TPTE: variants seen among roughly 807,000 people sequenced by gnomAD.
TPTE encodes the protein transmembrane phosphatase with tensin homology, also known as putative tyrosine-protein phosphatase TPTE.
TPTE carries 59 observed loss-of-function variants against 84.1 expected under a neutral mutation model. That is an observed-to-expected ratio of 0.70 (90% CI 0.57 to 0.87). The LOEUF (loss-of-function observed/expected upper bound fraction) is 0.87. Ranked by LOEUF, TPTE falls within the 40% of genes least tolerant of loss-of-function variation. TPTE has a pLI of 0.00. For missense variants in TPTE, 382 were observed against 659.6 expected, an observed-to-expected ratio of 0.58 and a Z score of 4.61; for synonymous variants, 130 against 223.5, an observed-to-expected ratio of 0.58 and a Z score of 3.73.
chr21:10,562,849 A>T (rs1407522550), intron 10 of TPTE, among the ~76,000 whole-genome samples: 1 of 152,312 alleles, frequency 6.6e-6, no homozygotes, highest in African/African-American at 2.4e-5. Context: ...ATTCAAAGGG[A>T]TGGTAACAGA....
At chr21:10,532,920 G>A (rs2074204090) in intron 3 of TPTE, among the ~76,000 whole-genome samples, 1 of 152,306 alleles carries the variant, frequency 6.6e-6, no homozygotes, top group Non-Finnish European at 1.5e-5. Flanking sequence ...GCCCTCATAG[G>A]TCTTTTGCTG....
chr21:10,558,876 T>C (rs1344684932), intron 8 of TPTE, among the ~76,000 whole-genome samples: 1 of 152,296 alleles, frequency 6.6e-6, no homozygotes, highest in East Asian at 1.9e-4. Flanking sequence ...TATTGGAGGC[T>C]CCATCAAACA....
At chr21:10,526,175 C>A (rs565071533) in intron 2 of TPTE, among the ~76,000 whole-genome samples, 1 of 152,306 alleles carries the variant, frequency 6.6e-6, no homozygotes, top group Admixed American at 6.5e-5. Flanking sequence ...TTTCCTGAGA[C>A]CTGGATGAAT....
chr21:10,523,834 A>G (rs1350097042), intron 1 of TPTE, among the ~76,000 whole-genome samples: 4 of 152,308 alleles, frequency 2.6e-5, no homozygotes, highest in African/African-American at 9.6e-5. Context: ...GGCTGGGTCA[A>G]ATGGTATTTC....
At chr21:10,530,083 G>A (rs958695040) in intron 3 of TPTE, among the ~76,000 whole-genome samples, 22 of 152,404 alleles carry the variant, frequency 1.4e-4, no homozygotes, top group African/African-American at 5.3e-4. Flanking sequence ...TCTTTAAATG[G>A]TCTCATATTT....
Position 10,605,416 on chromosome 21 carries a change from G to C in TPTE, c.1521-1G>C, listed in dbSNP as rs12627379. 6.3e-7 allele frequency: 1 copy of C among 1,594,734 alleles called. No homozygotes were observed. The stretch of plus-strand genomic sequence containing the variant: ...ATGTAATAATTTTTTTCTATTCTTA[G>C]GCTTTATCTACCAAAAAATGAATTG... On this transcript the variant is annotated splice_acceptor_variant, in intron 23 of 23. Coordinates refer to ENST00000618007, the MANE Select transcript of TPTE (RefSeq NM_199261.4). LOFTEE classifies it high-confidence loss of function.
intron 19 of TPTE, among the ~76,000 whole-genome samples, chr21:10,594,261 T>C (rs556162524): frequency 6.6e-6 from 1 of 152,290 alleles, no homozygotes; most frequent in African/African-American, 2.4e-5. Flanking sequence ...CCCCTTTTCC[T>C]AGAGTCCCTT....
At chr21:10,582,337 C>T (rs2145745475) in intron 17 of TPTE, among the ~76,000 whole-genome samples, 1 of 152,426 alleles carries the variant, frequency 6.6e-6, no homozygotes, top group Admixed American at 6.5e-5. Context: ...TATAAATTTT[C>T]AAAACTGTTC....
At chr21:10,531,874 G>T (rs364262) in intron 3 of TPTE, among the ~76,000 whole-genome samples, 28,291 of 138,016 alleles carry the variant, frequency 0.2, 62 homozygotes, top group African/African-American at 0.47. Flanking sequence ...GGTTTCATTT[G>T]TCTCCCAGTG....
In TPTE at chr21:10,605,621, C is replaced by T; in HGVS notation, c.*69C>T. The T allele has an allele frequency of 6.2e-7, 1 of 1,607,594 alleles. No individual in the cohort carries two copies. The highest frequency in any genetic ancestry group is 8.5e-7 in the Non-Finnish European group (1 of 1,177,968). On this transcript the variant is annotated 3_prime_UTR_variant, in exon 24 of 24. Transcript: ENST00000618007. ...CCAACCCTGCCACATGTTCATATAT[C>T]CTAAATCTATCCTAAATGTTCCTTG... is the stretch of plus-strand genomic sequence containing the variant.
chr21:10,577,792 A>G (rs1239360242), intron 15 of TPTE, among the ~76,000 whole-genome samples: 2 of 152,308 alleles, frequency 1.3e-5, no homozygotes, highest in East Asian at 3.8e-4. Context: ...TAGCGATATT[A>G]GGTTTAGGAA....
At position 10,542,449 on chromosome 21, in the gene TPTE, G is replaced by A. The variant is rs11184139; in HGVS notation, c.119+1G>A. The A allele has an allele frequency of 0.017, 26,616 of 1,589,468 alleles. No homozygotes were observed. Among genetic ancestry groups the A allele is most frequent in the Non-Finnish European group, 0.019 (21,606 of 1,159,150 alleles). On this transcript the variant is annotated splice_donor_variant, in intron 6 of 23. Transcript: ENST00000618007. LOFTEE classifies it high-confidence loss of function. ...CCGAGGAGGCACCTGCGAAAGAAAG[G>A]TGAGCAATAAATAGTTAAAGTCACC...
intron 3 of TPTE, among the ~76,000 whole-genome samples, chr21:10,529,030 A>G (rs762377033): frequency 2.6e-3 from 389 of 152,120 alleles, no homozygotes; most frequent in Non-Finnish European, 4.4e-3. Context: ...CTAAAAATAC[A>G]AAAATTAGCT....
intron 17 of TPTE, among the ~76,000 whole-genome samples, chr21:10,580,117 A>G (rs2075244832): frequency 6.6e-6 from 1 of 152,310 alleles, no homozygotes; most frequent in Non-Finnish European, 1.5e-5. Flanking sequence ...GATGTTTAGC[A>G]TTTTCTCATT....
At chr21:10,564,289 T>A (rs1384998324) in intron 10 of TPTE, among the ~76,000 whole-genome samples, 2 of 152,300 alleles carry the variant, frequency 1.3e-5, no homozygotes, top group African/African-American at 2.4e-5. Context: ...GCGGGTGGTT[T>A]ACTGGAGGTC....
chr21:10,557,482 T>G (rs1347202093), intron 8 of TPTE, among the ~76,000 whole-genome samples: 2 of 152,304 alleles, frequency 1.3e-5, no homozygotes, highest in African/African-American at 2.4e-5. Context: ...CATTGTCAAG[T>G]GAGTTCAGAT....
chr21:10,575,740 A>T (rs112553467), intron 14 of TPTE, among the ~76,000 whole-genome samples: 136 of 151,980 alleles, frequency 8.9e-4, no homozygotes, highest in African/African-American at 3.0e-3. Context: ...TAAATTTACA[A>T]GAAAAACACA....
rs373749618 is a variant in TPTE, at chr21:10,596,410, G to A, written c.1276+323G>A. Among the ~76,000 whole-genome samples, 7 of 152,428 alleles carry A rather than the reference G, an allele frequency of 4.6e-5. No individual in the cohort carries two copies. In the South Asian group the frequency reaches 1.4e-3, roughly 32 times the overall value. On this transcript the variant is annotated intron_variant, in intron 20 of 23. Coordinates refer to ENST00000618007, the MANE Select transcript of TPTE (RefSeq NM_199261.4). Reference sequence around the variant, plus strand: ...GCAGAGGGAGCCTCTGATGAGGGAGGAGGAGGACCCATGTGCCCTCAAGCC... The same window carrying A: ...GCAGAGGGAGCCTCTGATGAGGGAGAAGGAGGACCCATGTGCCCTCAAGCC...
intron 10 of TPTE, among the ~76,000 whole-genome samples, chr21:10,564,999 A>G (rs953194089): frequency 6.6e-6 from 1 of 152,310 alleles, no homozygotes; most frequent in Non-Finnish European, 1.5e-5. Flanking sequence ...AGTCCTAGCT[A>G]GAGCCATTAT....
Sources: allele counts gnomAD v4.1 joint callset (sites outside exome capture counted in the v4.1 genomes callset), GRCh38; gene constraint gnomAD v4.1.1; transcripts MANE v1.5; gene names NCBI Gene and HGNC (gene_info 2026-07-23, HGNC 2026-07-21).